TRAK1: variants seen among roughly 807,000 people sequenced by gnomAD.
TRAK1 encodes the protein trafficking kinesin protein 1.
Under a neutral mutation model 92.1 loss-of-function variants are expected in TRAK1, and 33 were observed. That is an observed-to-expected ratio of 0.36 (90% confidence interval 0.27 to 0.48). The LOEUF (loss-of-function observed/expected upper bound fraction) is 0.48. TRAK1 is among the 20% of genes least tolerant of loss of function. TRAK1 has a pLI of 0.99. For missense variants in TRAK1, 1,123 were observed against 1,257.9 expected (o/e 0.89, Z 1.62); for synonymous variants, 521 against 517.3 (o/e 1.01, Z -0.10).
rs542122476 is a variant in TRAK1, at chr3:42,104,633, C to G, written c.91+13073C>G. ...CTCCAACAGACCTGCAGCTGAGGGT[C>G]CTGACTGTTAGAAGGAAAACTAACA... On this transcript the variant is annotated intron_variant, in intron 1 of 15. Coordinates refer to ENST00000327628, the MANE Select transcript of TRAK1 (RefSeq NM_001042646.3). Among the ~76,000 whole-genome samples, 3 of 152,352 alleles carry G rather than the reference C, an allele frequency of 2.0e-5. No individual in the cohort carries two copies. In the South Asian group the frequency reaches 6.2e-4, roughly 32 times the overall value.
At chr3:42,084,586 A>G (rs1436311050), upstream of TRAK1, among the ~76,000 whole-genome samples, 1 of 152,176 alleles carries the variant, frequency 6.6e-6, no homozygotes, top group Non-Finnish European at 1.5e-5. Flanking sequence ...GGGTTGTGGC[A>G]GTGCCCAGCT....
At chr3:42,221,516 G>A (rs1289987610) in intron 15 of TRAK1, among the ~76,000 whole-genome samples, 6 of 152,230 alleles carry the variant, frequency 3.9e-5, no homozygotes, top group Non-Finnish European at 7.4e-5. Flanking sequence ...TCTGGTCATC[G>A]CAAAGACCTG....
chr3:42,079,747 C>T (rs1704346431), intron 1 of TRAK1, among the ~76,000 whole-genome samples: 1 of 152,104 alleles, frequency 6.6e-6, no homozygotes, highest in Admixed American at 6.5e-5. Flanking sequence ...TCCTAAAGTG[C>T]TAGGATTACA....
At chr3:42,210,753 C>T (rs1460859587) in intron 14 of TRAK1, 1 of 985,518 alleles carries the variant, frequency 1.0e-6, no homozygotes, top group African/African-American at 1.7e-5. Flanking sequence ...TTTAGCAATA[C>T]TCCTTAACCA....
rs373263839 is a variant in TRAK1 at position 42,223,378 on chromosome 3, G to A, written c.2503G>A (p.Asp835Asn). 8.7e-6 allele frequency: 14 copies of A among 1,614,110 alleles called. No homozygotes were observed. The highest frequency in any genetic ancestry group is 1.7e-5 in the Admixed American group (1 of 60,010). The change falls in exon 16 of 16, where the codon GAC (aspartate) becomes AAC (asparagine). Residue 835 changes from aspartate (D) to asparagine (N), a missense_variant. Transcript: ENST00000327628. The surrounding 1 kb of genome is among the most constrained non-coding windows in gnomAD (Gnocchi z 6.1). The part of the protein sequence containing the change: ...KNVRSSESQT[D>N]VSVSNLNLVD... ...CGTCCGCAGCAGCGAGAGCCAGACC[G>A]ACGTGTCCGTCTCCAACCTCAACCT...
chr3:42,168,938 G>T (rs533595366), intron 2 of TRAK1, among the ~76,000 whole-genome samples: 1 of 152,040 alleles, frequency 6.6e-6, no homozygotes, highest in Admixed American at 6.6e-5. Context: ...ATTCTCCTGC[G>T]TCAGCCTCCC....
chr3:42,042,176 C>G (rs973915734), intron 1 of TRAK1, among the ~76,000 whole-genome samples: 2 of 152,156 alleles, frequency 1.3e-5, no homozygotes, highest in African/African-American at 4.8e-5. Context: ...ATCCTCCCAC[C>G]TTGACCTCCC....
intron 1 of TRAK1, among the ~76,000 whole-genome samples, chr3:42,018,008 TAG>T (rs2148876630): frequency 7.0e-6 from 1 of 142,698 alleles, no homozygotes; most frequent in African/African-American, 2.6e-5. Context: ...TAGCCCTTCC[TAG>T]AATGCTGAGG....
chr3:42,195,772 A>G (rs1706522408), intron 10 of TRAK1, among the ~76,000 whole-genome samples: 1 of 152,262 alleles, frequency 6.6e-6, no homozygotes, highest in African/African-American at 2.4e-5. Context: ...TAACATAGTC[A>G]GCTTTCTAGG....
chr3:42,178,267 C>G (rs922352107), intron 3 of TRAK1, among the ~76,000 whole-genome samples: 3 of 152,136 alleles, frequency 2.0e-5, no homozygotes, highest in African/African-American at 4.8e-5. Flanking sequence ...TTCCTTGCAG[C>G]TGCCACCGTC....
intron 1 of TRAK1, among the ~76,000 whole-genome samples, chr3:42,115,290 G>A (rs1709029196): frequency 6.6e-6 from 1 of 151,914 alleles, no homozygotes; most frequent in South Asian, 2.1e-4. Flanking sequence ...TGACATTTTG[G>A]GGCCTCCGTA....
At chr3:42,156,089 C>A (rs1175924241) in intron 2 of TRAK1, among the ~76,000 whole-genome samples, 1 of 152,222 alleles carries the variant, frequency 6.6e-6, no homozygotes. Context: ...ACTTAACTGC[C>A]TTTCACACCT....
At chr3:42,037,545 ATT>A (rs1702371183) in intron 1 of TRAK1, among the ~76,000 whole-genome samples, 1 of 152,262 alleles carries the variant, frequency 6.6e-6, no homozygotes. Flanking sequence ...ATAGACAGAC[ATT>A]AATGCAATTT....
chr3:42,013,622 G>C, upstream of TRAK1, among the ~76,000 whole-genome samples: 1 of 149,278 alleles, frequency 6.7e-6, no homozygotes, highest in South Asian at 2.1e-4. The surrounding 1 kb of genome is among the most constrained non-coding windows in gnomAD (Gnocchi z 5.1). Flanking sequence ...CGGCAGCGCG[G>C]AGGGGAGGTG....
intron 1 of TRAK1, among the ~76,000 whole-genome samples, chr3:42,098,629 T>C (rs904625271): frequency 6.6e-6 from 1 of 152,168 alleles, no homozygotes; most frequent in Non-Finnish European, 1.5e-5. Context: ...GGAAGCTGCC[T>C]AGAAGGTGGT....
intron 2 of TRAK1, among the ~76,000 whole-genome samples, chr3:42,158,704 G>A (rs1160684777): frequency 6.7e-6 from 1 of 149,978 alleles, no homozygotes; most frequent in Non-Finnish European, 1.5e-5. Flanking sequence ...AGCACTTTGG[G>A]AGGCTGAGGC....
At chr3:42,064,592 A>G (rs1703598276) in intron 1 of TRAK1, among the ~76,000 whole-genome samples, 1 of 152,236 alleles carries the variant, frequency 6.6e-6, no homozygotes, top group Admixed American at 6.5e-5. Flanking sequence ...GGAAATACAA[A>G]TACATAATAA....
intron 2 of TRAK1, among the ~76,000 whole-genome samples, chr3:42,157,749 A>T (rs950193884): frequency 6.6e-6 from 1 of 152,218 alleles, no homozygotes; most frequent in Non-Finnish European, 1.5e-5. Context: ...CTGGCCGTTG[A>T]ATAAAACACA....
chr3:42,169,049 C>T (rs941696488), intron 2 of TRAK1, among the ~76,000 whole-genome samples: 1 of 152,158 alleles, frequency 6.6e-6, no homozygotes, highest in Non-Finnish European at 1.5e-5. Flanking sequence ...GTCTTGAACT[C>T]CTGACGTCAG....
Sources: allele counts gnomAD v4.1 joint callset (sites outside exome capture counted in the v4.1 genomes callset), GRCh38; gene constraint gnomAD v4.1.1; non-coding constraint Gnocchi (gnomAD v3.1); transcripts MANE v1.5; gene names NCBI Gene and HGNC (gene_info 2026-07-23, HGNC 2026-07-21).